Variants in PTPRD observed in about 807,000 individuals in gnomAD.
PTPRD encodes receptor-type tyrosine-protein phosphatase delta.
A neutral mutation model predicts 214.5 loss-of-function variants in PTPRD; 34 were observed. The ratio of observed to expected loss-of-function variants is 0.16; its 90% confidence interval spans 0.12 to 0.21. The LOEUF (loss-of-function observed/expected upper bound fraction) is 0.21, where lower values mean the gene tolerates loss of function less well. Ranked by LOEUF, PTPRD falls within the 10% of genes least tolerant of loss-of-function variation. The pLI, the probability that PTPRD is intolerant of heterozygous loss-of-function variation, is 1.00. For missense variants in PTPRD, 2,545 were observed against 2,398.7 expected (o/e 1.06, Z -1.27); for synonymous variants, 1,128 against 845.7 (o/e 1.33, Z -5.79).
At chr9:9,886,653 AGGAATGGGAC>A (rs2071043022) in intron 5 of PTPRD, among the ~76,000 whole-genome samples, 2 of 152,186 alleles carry the variant, frequency 1.3e-5, no homozygotes, top group Admixed American at 6.6e-5. Context: ...GAATCTGGGC[AGGAATGGGAC>A]TTCATTGTAC....
intron 5 of PTPRD, among the ~76,000 whole-genome samples, chr9:9,894,441 A>AT (rs780345808): frequency 2.1e-4 from 32 of 151,980 alleles, no homozygotes; most frequent in Non-Finnish European, 3.7e-4. Flanking sequence ...CTTTAATCAG[A>AT]TTTTTTAAAT....
intron 4 of PTPRD, among the ~76,000 whole-genome samples, chr9:9,960,718 G>A (rs1252384019): frequency 6.6e-6 from 1 of 151,952 alleles, no homozygotes; most frequent in Non-Finnish European, 1.5e-5. Flanking sequence ...TCAACAATAA[G>A]GAAAGTCAGA....
chr9:10,170,910 A>G (rs551269238), intron 3 of PTPRD, among the ~76,000 whole-genome samples: 12 of 152,284 alleles, frequency 7.9e-5, no homozygotes, highest in African/African-American at 2.9e-4. Flanking sequence ...TGATTCAAGA[A>G]CACACCCTCA....
intron 9 of PTPRD, among the ~76,000 whole-genome samples, chr9:9,275,183 G>A (rs1310845608): frequency 2.2e-3 from 41 of 18,702 alleles, no homozygotes; most frequent in African/African-American, 3.1e-3. Context: ...TAATATATAT[G>A]TTATATATAT....
At chr9:10,202,872 G>A (rs1349413842) in intron 3 of PTPRD, among the ~76,000 whole-genome samples, 2 of 151,662 alleles carry the variant, frequency 1.3e-5, no homozygotes, top group African/African-American at 2.4e-5. Context: ...AAAGTATTAG[G>A]TGCTAACCAG....
intron 10 of PTPRD, among the ~76,000 whole-genome samples, chr9:9,070,146 A>G (rs1485135225): frequency 1.3e-5 from 2 of 152,150 alleles, no homozygotes; most frequent in Non-Finnish European, 2.9e-5. Context: ...TTCACAAGGA[A>G]ATATTGACTT....
intron 14 of PTPRD, among the ~76,000 whole-genome samples, chr9:8,538,929 G>C (rs917360110): frequency 6.6e-6 from 1 of 151,590 alleles, no homozygotes; most frequent in African/African-American, 2.4e-5. Context: ...ATTAGGACTG[G>C]AACAAGCAAA....
At chr9:8,779,681 G>A (rs111730366) in intron 11 of PTPRD, among the ~76,000 whole-genome samples, 5,717 of 152,108 alleles carry the variant, frequency 0.038, 199 homozygotes, top group African/African-American at 0.086. Context: ...CTTTTAATCA[G>A]CACGGTAAAC....
At chr9:9,928,785 C>CACACACAA (rs2085288756) in intron 5 of PTPRD, among the ~76,000 whole-genome samples, 1 of 151,872 alleles carries the variant, frequency 6.6e-6, no homozygotes, top group Admixed American at 6.6e-5. Context: ...CACACACACA[C>CACACACAA]ACAATTTGCA....
chr9:10,015,951 A>G (rs866342708), intron 4 of PTPRD, among the ~76,000 whole-genome samples: 25 of 152,298 alleles, frequency 1.6e-4, no homozygotes, highest in African/African-American at 6.0e-4. Context: ...TCTAATTACC[A>G]GTTGACTGAC....
intron 11 of PTPRD, among the ~76,000 whole-genome samples, chr9:9,009,720 T>C (rs2099500073): frequency 6.6e-6 from 1 of 152,124 alleles, no homozygotes; most frequent in South Asian, 2.1e-4. Flanking sequence ...CATTCTGTGA[T>C]GTATGTGCCA....
chr9:8,595,109 C>A (rs181645746), intron 14 of PTPRD, among the ~76,000 whole-genome samples: 1 of 151,186 alleles, frequency 6.6e-6, no homozygotes, highest in Non-Finnish European at 1.5e-5. Flanking sequence ...ATGATCTGCC[C>A]GCCTCGGCCT....
chr9:9,524,989 C>T (rs2154258865), intron 8 of PTPRD, among the ~76,000 whole-genome samples: 1 of 152,254 alleles, frequency 6.6e-6, no homozygotes, highest in African/African-American at 2.4e-5. Context: ...TCCCGAGTAG[C>T]GGGGACTACA....
intron 3 of PTPRD, among the ~76,000 whole-genome samples, chr9:10,197,322 G>A (rs951230529): frequency 6.6e-6 from 1 of 152,094 alleles, no homozygotes; most frequent in Non-Finnish European, 1.5e-5. Context: ...ATTAAACTGA[G>A]TTTAAAATAT....
chr9:8,486,218 G>T lies in PTPRD; in HGVS notation c.2599C>A (p.Pro867Thr), dbSNP rs2135964105. The change falls in exon 28 of 46, where the codon CCA becomes ACA. Residue 867 changes from proline to threonine, a missense_variant. Coordinates refer to ENST00000381196, the MANE Select transcript of PTPRD (RefSeq NM_002839.4). ...RLKFGRKDME[P>T]LTTLEFSEKE... ...TCAGAGAACTCAAGAGTAGTAAGTG[G>T]CTCCATATCCTTGCGGCCAAATTTT... The T allele has an allele frequency of 6.2e-7, 1 of 1,614,182 alleles. No individual in the cohort carries two copies. The highest frequency in any genetic ancestry group is 8.5e-7 in the Non-Finnish European group (1 of 1,180,028).
At chr9:9,759,327 C>T (rs1237849308) in intron 6 of PTPRD, among the ~76,000 whole-genome samples, 1 of 152,114 alleles carries the variant, frequency 6.6e-6, no homozygotes, top group Non-Finnish European at 1.5e-5. Flanking sequence ...CAAACCCCAG[C>T]CCCTAGTGCT....
intron 34 of PTPRD, chr9:8,437,388 T>C (rs567158239): frequency 6.1e-5 from 36 of 589,962 alleles, no homozygotes; most frequent in Non-Finnish European, 1.7e-5. Flanking sequence ...GCTAGTACAA[T>C]GTGACTACTA....
At chr9:8,708,663 G>A (rs568318206) in intron 12 of PTPRD, among the ~76,000 whole-genome samples, 8 of 117,616 alleles carry the variant, frequency 6.8e-5, no homozygotes, top group Non-Finnish European at 1.3e-4. Context: ...TGGGTGACAA[G>A]AGCGAGACTC....
intron 12 of PTPRD, among the ~76,000 whole-genome samples, chr9:8,704,778 G>C (rs930317755): frequency 2.2e-5 from 3 of 135,908 alleles, no homozygotes; most frequent in Non-Finnish European, 4.9e-5. Context: ...AAAATTAGCC[G>C]GGTGTGGTGG....
Sources: gnomAD v4.1 joint callset for allele counts (sites outside exome capture counted in the v4.1 genomes callset) on GRCh38, gnomAD v4.1.1 for gene constraint, MANE v1.5 for transcripts, NCBI Gene and HGNC (gene_info 2026-07-23, HGNC 2026-07-21) for gene names.